Variants in TAF6L observed in about 807,000 individuals in gnomAD.
The protein encoded by TAF6L is TAF6-like RNA polymerase II p300/CBP-associated factor-associated factor 65 kDa subunit 6L.
Under a neutral mutation model 57.3 loss-of-function variants are expected in TAF6L, and 34 were observed. That is an observed-to-expected ratio of 0.59 (90% CI 0.45 to 0.79). The LOEUF is 0.79. TAF6L is among the 30% of genes least tolerant of loss of function. TAF6L has a pLI of 0.00. For missense variants in TAF6L, 782 were observed against 853.2 expected (o/e 0.92, Z 1.04); for synonymous variants, 417 against 376.3 (o/e 1.11, Z -1.25).
At chr11:62,781,842 A>G in intron 6 of TAF6L, 52 bp from the exon 7 acceptor site, 1 of 1,481,560 alleles carries the variant, frequency 6.7e-7, no homozygotes. Context: ...TACCGCATTC[A>G]TGTTTTACAA....
In TAF6L at chr11:62,786,622, A is replaced by G. The variant is rs2084279402; in HGVS notation, c.1195A>G (p.Ser399Gly). 5.0e-6 allele frequency: 8 copies of G among 1,600,086 alleles called. No homozygotes were observed. Among genetic ancestry groups the G allele is most frequent in the Non-Finnish European group, 6.8e-6 (8 of 1,172,842 alleles). ...CRRLDDLPWD[S>G]LLFQESSSGG... Reference sequence around the variant, plus strand: ...GCGCCTGGACGACCTGCCATGGGACAGCCTTCTCTTTCAAGAGTCGTCCTC... The same window carrying G: ...GCGCCTGGACGACCTGCCATGGGACGGCCTTCTCTTTCAAGAGTCGTCCTC... The change falls in exon 11 of 11, where the codon AGC becomes GGC. Residue 399 changes from serine (S) to glycine (G), a missense_variant. Physicochemically the swap from Ser to Gly is moderately conservative, Grantham distance 56 (BLOSUM62 0). Coordinates refer to ENST00000294168, the MANE Select transcript of TAF6L (RefSeq NM_006473.4).
chr11:62,774,982 T>C (rs1004659272), intron 1 of TAF6L, among the ~76,000 whole-genome samples: 4 of 149,932 alleles, frequency 2.7e-5, no homozygotes, highest in Admixed American at 6.7e-5. Flanking sequence ...GATAATTACT[T>C]GAACCCGGGA....
chr11:62,786,684 C>G lies in TAF6L; in HGVS notation c.1257C>G (p.Leu419=). Residue 419 remains leucine (L), a synonymous_variant, in exon 11 of 11, where the codon CTC becomes CTG. Coordinates refer to ENST00000294168, the MANE Select transcript of TAF6L (RefSeq NM_006473.4). ...GGAEPSFGSG[L]PLPPGGAGPE... is the part of the protein sequence containing the mutation. ...CAGAACCCAGCTTTGGGTCCGGCCT[C>G]CCGCTGCCGCCAGGGGGCGCGGGGC... The G allele has an allele frequency of 6.2e-7, 1 of 1,612,142 alleles. No individual in the cohort carries two copies. The highest frequency in any genetic ancestry group is 1.1e-5 in the South Asian group (1 of 90,960).
intron 1 of TAF6L, among the ~76,000 whole-genome samples, chr11:62,773,208 T>G (rs958825919): frequency 1.3e-5 from 2 of 151,584 alleles, no homozygotes; most frequent in Non-Finnish European, 2.9e-5. Context: ...AGTGCAGTGG[T>G]GCGATCTTGG....
At chr11:62,784,278 G>C (rs1254595359) in intron 9 of TAF6L, among the ~76,000 whole-genome samples, 1 of 138,732 alleles carries the variant, frequency 7.2e-6, no homozygotes, top group Non-Finnish European at 1.6e-5. Flanking sequence ...GTGAGCCACC[G>C]GTGCCTGGCC....
rs779072560 is a variant in TAF6L at position 62,781,911 on chromosome 11, G to C, written c.549G>C (p.Leu183Phe). 6.2e-7 allele frequency: 1 copy of C among 1,614,156 alleles called. No homozygotes were observed. The highest frequency in any genetic ancestry group is 1.7e-5 in the Admixed American group (1 of 60,010). ...PQLMKVALQD[L>F]QTNSKIGALL... ...CCTTTTAGGTTGCACTCCAGGACTT[G>C]CAGACGAACTCCAAGATTGGGGCAC... is the stretch of plus-strand genomic sequence containing the variant. The change falls in exon 7 of 11, where the codon TTG (leucine) becomes TTC (phenylalanine). Residue 183 changes from leucine to phenylalanine, a missense_variant. This residue lies in a region of TAF6L where 220 missense variants were observed against 252.1 expected (regional missense o/e 0.87). Coordinates refer to ENST00000294168, the MANE Select transcript of TAF6L (RefSeq NM_006473.4).
chr11:62,787,112 T>G lies in TAF6L; in HGVS notation c.1685T>G (p.Phe562Cys). Residue 562 changes from phenylalanine (F) to cysteine (C), a missense_variant, in exon 11 of 11, where the codon TTC becomes TGC. By Grantham distance (205) the Phe-to-Cys change is radical. Coordinates refer to ENST00000294168, the MANE Select transcript of TAF6L (RefSeq NM_006473.4). ...CCGCGCGGCGCCCCGCACTTTCGTT[T>G]CATCATAGCCGGGCGGCAGGCTGGG... Reference protein sequence around the residue: ...FAPRGAPHFRFIIAGRQAGRR... With the variant: ...FAPRGAPHFRCIIAGRQAGRR... 1 of 1,550,970 alleles carries G rather than the reference T, an allele frequency of 6.4e-7. No homozygotes were observed. Among genetic ancestry groups the G allele is most frequent in the Non-Finnish European group, 8.6e-7 (1 of 1,156,454 alleles).
At position 62,778,093 on chromosome 11, in the gene TAF6L, A is replaced by C; in HGVS notation, c.350A>C (p.Asn117Thr). The change falls in exon 4 of 11, where the codon AAC (asparagine) becomes ACC (threonine). Residue 117 changes from asparagine to threonine, a missense_variant. Physicochemically the swap from Asn to Thr is moderately conservative, Grantham distance 65 (BLOSUM62 0). Around this residue, in one of 3 missense-constraint regions of TAF6L, gnomAD observed 220 missense variants for 252.1 expected, o/e 0.87. Transcript: ENST00000294168. Reference protein sequence around the residue: ...VNLVELALATNIPKGCAETAV... With the variant: ...VNLVELALATTIPKGCAETAV... ...CTGGTGGAGCTGGCCCTGGCTACCA[A>C]CATCCCCAAAGGCTGTGCTGAGACA... 3 of 1,614,132 alleles carry C rather than the reference A, an allele frequency of 1.9e-6. No homozygotes were observed. Among genetic ancestry groups the C allele is most frequent in the East Asian group, 2.2e-5 (1 of 44,870 alleles).
At chr11:62,783,289 T>G (rs1162392986) in intron 9 of TAF6L, among the ~76,000 whole-genome samples, 1 of 152,136 alleles carries the variant, frequency 6.6e-6, no homozygotes, top group Non-Finnish European at 1.5e-5. Flanking sequence ...GAAACCATCC[T>G]GGCTAACACG....
intron 8 of TAF6L, 47 bp downstream of exon 8, chr11:62,782,380 G>A: frequency 1.3e-6 from 2 of 1,584,190 alleles, no homozygotes; most frequent in Non-Finnish European, 1.7e-6. Flanking sequence ...GCAGAGCCAA[G>A]TGGGTTGGGG....
At position 62,787,070 on chromosome 11, in the gene TAF6L, A is replaced by C; in HGVS notation, c.1643A>C (p.Gln548Pro). ...GPGTGTRDVF[Q>P]KSRFAPRGAP... The stretch of plus-strand genomic sequence containing the variant: ...GGGACCGGCACCCGCGACGTTTTCC[A>C]GAAGAGCCGTTTCGCCCCGCGCGGC... Residue 548 changes from glutamine (Q) to proline (P), a missense_variant, in exon 11 of 11, where the codon CAG becomes CCG. Physicochemically the swap from Gln to Pro is moderately conservative, Grantham distance 76. This residue lies in a region of TAF6L where 483 missense variants were observed against 445.1 expected (regional missense o/e 1.09). Coordinates refer to ENST00000294168, the MANE Select transcript of TAF6L (RefSeq NM_006473.4). 1 of 1,529,702 alleles carries C rather than the reference A, an allele frequency of 6.5e-7. No homozygotes were observed. The highest frequency in any genetic ancestry group is 1.4e-5 in the African/African-American group (1 of 71,220). 94.8% of individuals were successfully genotyped at this position (1,529,702 alleles called of 1,614,324 possible). A position where few individuals can be genotyped will look rare whatever the true frequency, so the allele number is the denominator to read the frequency against.
chr11:62,787,159 T>C lies in TAF6L; in HGVS notation c.1732T>C (p.Phe578Leu). The C allele has an allele frequency of 6.3e-7, 1 of 1,579,398 alleles. No individual in the cohort carries two copies. The highest frequency in any genetic ancestry group is 8.5e-7 in the Non-Finnish European group (1 of 1,171,982). The change falls in exon 11 of 11, where the codon TTC becomes CTC. Residue 578 changes from phenylalanine to leucine, a missense_variant. Phe to Leu is a conservative substitution (Grantham distance 22, BLOSUM62 0). Coordinates refer to ENST00000294168, the MANE Select transcript of TAF6L (RefSeq NM_006473.4). ...TGGGAGGCGCTGCCGCGGGCGCCTT[T>C]TCCAGACTGCCTTCCCCGCGCCGTA... The part of the protein sequence containing the change: ...QAGRRCRGRL[F>L]QTAFPAPYGP...
At chr11:62,786,194 GA>G in intron 9 of TAF6L, 65 bp from the exon 10 acceptor site, 2 of 1,554,146 alleles carry the variant, frequency 1.3e-6, no homozygotes, top group Non-Finnish European at 8.8e-7. Flanking sequence ...TCTTTCATGG[GA>G]AAGGGTCCTT....
rs2084283852 is a variant in TAF6L, at chr11:62,786,866, A to T, written c.1439A>T (p.Asp480Val). The T allele has an allele frequency of 6.3e-7, 1 of 1,588,790 alleles. No individual in the cohort carries two copies. Among genetic ancestry groups the T allele is most frequent in the Non-Finnish European group, 8.5e-7 (1 of 1,175,108 alleles). ...GDKKEPAAAP[D>V]SVRKMPQLTA... Reference sequence around the variant, plus strand: ...AAGAAGGAGCCGGCGGCAGCCCCGGACTCGGTGCGGAAGATGCCGCAGCTG... The same window carrying T: ...AAGAAGGAGCCGGCGGCAGCCCCGGTCTCGGTGCGGAAGATGCCGCAGCTG... Residue 480 changes from aspartate (D) to valine (V), a missense_variant, in exon 11 of 11, where the codon GAC (aspartate) becomes GTC (valine). Asp to Val is a radical substitution (Grantham distance 152, BLOSUM62 -3). Coordinates refer to ENST00000294168, the MANE Select transcript of TAF6L (RefSeq NM_006473.4).
chr11:62,786,454 G>C, intron 10 of TAF6L, 63 bp from the exon 11 acceptor site: 2 of 1,595,460 alleles, frequency 1.3e-6, no homozygotes, highest in South Asian at 1.1e-5. Context: ...GGCTTACTTT[G>C]GAATATTTGA....
At chr11:62,780,667 C>T (rs908056728) in intron 6 of TAF6L, among the ~76,000 whole-genome samples, 3 of 151,982 alleles carry the variant, frequency 2.0e-5, no homozygotes, top group African/African-American at 4.8e-5. Context: ...CGGTGGTTCA[C>T]GCCTGTAATC....
At chr11:62,776,000 G>A (rs756123618) in intron 2 of TAF6L, 70 bp downstream of exon 2, 855 of 1,517,946 alleles carry the variant, frequency 5.6e-4, no homozygotes, top group Non-Finnish European at 6.8e-4. Context: ...CTCCACCCTC[G>A]CTGATTTATT....
chr11:62,784,424 C>T (rs1000579824), intron 9 of TAF6L, among the ~76,000 whole-genome samples: 3 of 151,752 alleles, frequency 2.0e-5, no homozygotes, highest in African/African-American at 4.8e-5. Flanking sequence ...CCTGCCTCAG[C>T]CTCCCGAGAG....
intron 1 of TAF6L, chr11:62,772,054 C>T (rs565315338): frequency 5.3e-5 from 24 of 455,688 alleles, no homozygotes; most frequent in African/African-American, 1.6e-4. Context: ...CTTGCTCCCC[C>T]TCCCTACTTA....
Sources: allele counts gnomAD v4.1 joint callset (sites outside exome capture counted in the v4.1 genomes callset), GRCh38; gene constraint gnomAD v4.1.1; regional missense constraint gnomAD v4.1.1; transcripts MANE v1.5; gene names NCBI Gene and HGNC (gene_info 2026-07-23, HGNC 2026-07-21).